LPAR6: variants seen among roughly 807,000 people sequenced by gnomAD.
LPAR6 encodes G-protein coupled purinergic receptor P2Y5.
LPAR6 carries 17 observed loss-of-function variants against 22.0 expected under a neutral mutation model. The ratio of observed to expected loss-of-function variants is 0.77; its 90% CI spans 0.53 to 1.16. LPAR6 has a LOEUF of 1.16. Ranked by LOEUF, LPAR6 falls within the 50% of genes most tolerant of loss-of-function variation. LPAR6 has a pLI of 0.00. For synonymous variants in LPAR6, 136 were observed against 139.8 expected (o/e 0.97, Z 0.19); for missense variants, 384 against 406.9 (o/e 0.94, Z 0.48).
upstream of LPAR6, among the ~76,000 whole-genome samples, chr13:48,414,120 G>A (rs749918696): frequency 1.3e-5 from 2 of 152,166 alleles, no homozygotes; most frequent in African/African-American, 2.4e-5. Flanking sequence ...GGCCGAGGCA[G>A]GTGGATCACC....
chr13:48,435,898 CTAAT>C (rs1949178449), intron 1 of LPAR6, among the ~76,000 whole-genome samples: 1 of 152,124 alleles, frequency 6.6e-6, no homozygotes, highest in Admixed American at 6.5e-5. Flanking sequence ...AGAATTTAAA[CTAAT>C]TATATTAATA....
At chr13:48,409,267 TTGCTTTAGGTTTA>T (rs992922601), downstream of LPAR6, among the ~76,000 whole-genome samples, 2 of 151,842 alleles carry the variant, frequency 1.3e-5, no homozygotes, top group Non-Finnish European at 2.9e-5. Flanking sequence ...AAGATGTATT[TTGCTTTAGGTTTA>T]TCTAAAGGAA....
At chr13:48,431,803 C>T (rs183955421), upstream of LPAR6, among the ~76,000 whole-genome samples, 3 of 152,090 alleles carry the variant, frequency 2.0e-5, no homozygotes, top group Non-Finnish European at 4.4e-5. Context: ...TGGATTTTTG[C>T]CCTGGCCATA....
At chr13:48,432,350 T>A (rs7329733) in intron 1 of LPAR6, among the ~76,000 whole-genome samples, 7,602 of 152,172 alleles carry the variant, frequency 0.05, 627 homozygotes, top group African/African-American at 0.17. Context: ...TTCAACTTGG[T>A]AAGATTCTAC....
Position 48,411,823 on chromosome 13 carries a change from C to T in LPAR6, c.601G>A (p.Val201Ile), listed in dbSNP as rs1566211864. 6.2e-7 allele frequency: 1 copy of T among 1,612,824 alleles called. No homozygotes were observed. The highest frequency in any genetic ancestry group is 8.5e-7 in the Non-Finnish European group (1 of 1,178,884). Residue 201 changes from valine to isoleucine, a missense_variant, in exon 1 of 1, where the codon GTA (valine) becomes ATA (isoleucine). Transcript: ENST00000620633. ...VGFFIPLILN[V>I]TCSSMVLKTL... ...TTTAGCACCATACTAGAACAAGTTA[C>T]ATTTAAAATTAGAGGAATAAAAAAT... is the stretch of plus-strand genomic sequence containing the variant.
At chr13:48,420,122 G>A (rs565158612) in intron 2 of LPAR6, among the ~76,000 whole-genome samples, 8 of 152,176 alleles carry the variant, frequency 5.3e-5, no homozygotes, top group South Asian at 4.1e-4. Context: ...GATGAATATC[G>A]ACGTGAAAAC....
At chr13:48,406,801 C>T (rs1948743998), downstream of LPAR6, 1 of 152,254 alleles carries the variant, frequency 6.6e-6, no homozygotes, top group Non-Finnish European at 1.5e-5. Flanking sequence ...CACCTGTAGT[C>T]CCAGCTGCTT....
At chr13:48,437,657 A>T (rs944817549) in intron 1 of LPAR6, among the ~76,000 whole-genome samples, 1 of 152,074 alleles carries the variant, frequency 6.6e-6, no homozygotes, top group African/African-American at 2.4e-5. Context: ...TTGCCATGTG[A>T]GCCTCTCCGT....
intron 1 of LPAR6, among the ~76,000 whole-genome samples, chr13:48,402,588 G>T (rs1295553122): frequency 1.3e-5 from 2 of 151,864 alleles, no homozygotes; most frequent in African/African-American, 4.8e-5. Flanking sequence ...TGTTGCCCAG[G>T]CTGGTCTCAA....
rs1464528467 is a variant in LPAR6 at position 48,411,785 on chromosome 13, T to A, written c.639A>T (p.Lys213Asn). Residue 213 changes from lysine (K) to asparagine (N), a missense_variant, in exon 1 of 1, where the codon AAA becomes AAT. By Grantham distance (94) the Lys-to-Asn change is moderately conservative (BLOSUM62 0). Coordinates refer to ENST00000620633, the MANE Select transcript of LPAR6 (RefSeq NM_001162498.3). ...TTTTGCTTCTACTTAATGTAACAGG[T>A]TTGGTTAAAGTTTTTAGCACCATAC... ...CSSMVLKTLT[K>N]PVTLSRSKIN... 1 of 1,612,054 alleles carries A rather than the reference T, an allele frequency of 6.2e-7. No individual in the cohort carries two copies. The highest frequency in any genetic ancestry group is 8.5e-7 in the Non-Finnish European group (1 of 1,178,386).
intron 1 of LPAR6, among the ~76,000 whole-genome samples, chr13:48,426,110 C>T (rs1949076221): frequency 6.6e-6 from 1 of 152,146 alleles, no homozygotes; most frequent in Non-Finnish European, 1.5e-5. Flanking sequence ...TTTGACCTTA[C>T]CTTGGGCAAA....
chr13:48,436,589 G>T (rs1249293233), intron 1 of LPAR6, among the ~76,000 whole-genome samples: 1 of 152,020 alleles, frequency 6.6e-6, no homozygotes, highest in Non-Finnish European at 1.5e-5. Flanking sequence ...GTTGCAGTGA[G>T]CCAAGATTGC....
chr13:48,420,022 T>G (rs908257916), intron 2 of LPAR6, among the ~76,000 whole-genome samples: 1 of 152,140 alleles, frequency 6.6e-6, no homozygotes, highest in Non-Finnish European at 1.5e-5. Flanking sequence ...AAGAGAGTCC[T>G]CCTTAACTCA....
chr13:48,443,286 T>G (rs893845601), intron 1 of LPAR6, among the ~76,000 whole-genome samples: 3 of 151,686 alleles, frequency 2.0e-5, no homozygotes, highest in African/African-American at 7.2e-5. Context: ...AATAAGAAAT[T>G]AATAAAATGT....
At chr13:48,416,656 C>G (rs925867697), upstream of LPAR6, 2 of 152,310 alleles carry the variant, frequency 1.3e-5, no homozygotes, top group Admixed American at 6.5e-5. Flanking sequence ...ATCCCACCCC[C>G]ACAGAGCCCA....
intron 1 of LPAR6, among the ~76,000 whole-genome samples, chr13:48,439,232 T>C (rs1949213502): frequency 6.6e-6 from 1 of 152,186 alleles, no homozygotes; most frequent in Non-Finnish European, 1.5e-5. Context: ...ACATATCTAC[T>C]TTATGGACGT....
chr13:48,390,966 A>G (rs1948606555), intron 1 of LPAR6, among the ~76,000 whole-genome samples: 1 of 152,092 alleles, frequency 6.6e-6, no homozygotes. Context: ...TAATGTGACT[A>G]TTGATATGGT....
intron 1 of LPAR6, among the ~76,000 whole-genome samples, chr13:48,433,964 T>G (rs2138286381): frequency 6.6e-6 from 1 of 152,090 alleles, no homozygotes; most frequent in Non-Finnish European, 1.5e-5. Context: ...ACTCAAGTTA[T>G]TCTCCTGCCT....
At chr13:48,433,842 T>G (rs903057428) in intron 1 of LPAR6, among the ~76,000 whole-genome samples, 1 of 152,052 alleles carries the variant, frequency 6.6e-6, no homozygotes, top group African/African-American at 2.4e-5. Flanking sequence ...GAAGCATATC[T>G]TACAACTTTT....
Sources: allele counts gnomAD v4.1 joint callset (sites outside exome capture counted in the v4.1 genomes callset), GRCh38; gene constraint gnomAD v4.1.1; transcripts MANE v1.5; gene names NCBI Gene and HGNC (gene_info 2026-07-23, HGNC 2026-07-21).